Variants in PPM1H observed in about 807,000 individuals in gnomAD.
PPM1H encodes the protein protein phosphatase 1H.
In PPM1H, 27 loss-of-function variants were observed where a neutral mutation model predicts 54.9. That is an observed-to-expected ratio of 0.49 (90% CI 0.36 to 0.68). The LOEUF is 0.68. PPM1H is among the 30% of genes least tolerant of loss of function. The pLI, the probability that PPM1H is intolerant of heterozygous loss-of-function variation, is 0.00. For synonymous variants in PPM1H, 305 were observed against 270.8 expected (o/e 1.13, Z -1.24); for missense variants, 596 against 667.8 (o/e 0.89, Z 1.19).
At chr12:62,912,707 C>CA (rs1163341070) in intron 1 of PPM1H, among the ~76,000 whole-genome samples, 1 of 151,912 alleles carries the variant, frequency 6.6e-6, no homozygotes, top group Admixed American at 6.6e-5. Flanking sequence ...GGCAATTAAC[C>CA]AAAAAAAGAA....
intron 2 of PPM1H, among the ~76,000 whole-genome samples, chr12:62,823,508 TG>T (rs1455355123): frequency 6.6e-6 from 1 of 152,192 alleles, no homozygotes; most frequent in African/African-American, 2.4e-5. Flanking sequence ...AATAAAATAC[TG>T]GCAAACTGAA....
chr12:62,681,265 A>G (rs969132070), intron 8 of PPM1H, among the ~76,000 whole-genome samples: 2 of 152,082 alleles, frequency 1.3e-5, no homozygotes, highest in South Asian at 4.1e-4. Context: ...TTCCTTTCAC[A>G]TAGTCTGGAA....
chr12:62,905,443 T>C (rs1871276603), intron 1 of PPM1H, among the ~76,000 whole-genome samples: 1 of 152,080 alleles, frequency 6.6e-6, no homozygotes, highest in Non-Finnish European at 1.5e-5. Flanking sequence ...AGTAAGGCCA[T>C]CTAAATGTGA....
chr12:62,826,938 C>G (rs1264914979), intron 2 of PPM1H, among the ~76,000 whole-genome samples: 1 of 152,278 alleles, frequency 6.6e-6, no homozygotes, highest in South Asian at 2.1e-4. Context: ...TGGCCCATGC[C>G]ATAGATACCT....
chr12:62,725,329 A>ATTCCT (rs1441208072), intron 5 of PPM1H, among the ~76,000 whole-genome samples: 1 of 152,214 alleles, frequency 6.6e-6, no homozygotes, highest in East Asian at 1.9e-4. Context: ...CAGAAACAGG[A>ATTCCT]AAGTCTCTCA....
chr12:62,933,949 G>A (rs984541438), intron 1 of PPM1H: 1 of 152,718 alleles, frequency 6.5e-6, no homozygotes, highest in Non-Finnish European at 1.5e-5. Flanking sequence ...GGAGGAACTC[G>A]CGGGCTGAAA....
At chr12:62,820,312 C>CCTCT (rs2076895239) in intron 2 of PPM1H, among the ~76,000 whole-genome samples, 1 of 152,230 alleles carries the variant, frequency 6.6e-6, no homozygotes, top group African/African-American at 2.4e-5. Context: ...GTAGACCCCA[C>CCTCT]CTCTGAGGGC....
At chr12:62,804,842 A>C (rs1196648489) in intron 2 of PPM1H, among the ~76,000 whole-genome samples, 5 of 150,344 alleles carry the variant, frequency 3.3e-5, no homozygotes, top group Non-Finnish European at 5.9e-5. Flanking sequence ...CGCCCGGCTA[A>C]TTTTTTGTAT....
At chr12:62,868,366 A>G (rs1869858412) in intron 1 of PPM1H, among the ~76,000 whole-genome samples, 1 of 152,194 alleles carries the variant, frequency 6.6e-6, no homozygotes, top group Non-Finnish European at 1.5e-5. Flanking sequence ...TGCTAGGGCC[A>G]TCCACAAAGC....
At chr12:62,679,204 C>G (rs2076004957) in intron 8 of PPM1H, among the ~76,000 whole-genome samples, 1 of 151,924 alleles carries the variant, frequency 6.6e-6, no homozygotes, top group Non-Finnish European at 1.5e-5. Flanking sequence ...CCAGGATGGT[C>G]TTGATCTCTT....
At chr12:62,766,815 G>T (rs1171186730) in intron 4 of PPM1H, among the ~76,000 whole-genome samples, 1 of 152,190 alleles carries the variant, frequency 6.6e-6, no homozygotes, top group East Asian at 1.9e-4. Context: ...TGAGCTTCAG[G>T]CTTTACCAGG....
At position 62,800,269 on chromosome 12, in the gene PPM1H, C is replaced by T. The variant is rs916502345; in HGVS notation, c.756+1547G>A. 8.2e-4 allele frequency among the ~76,000 whole-genome samples: 125 copies of T among 152,120 alleles called. 1 individual carries two copies. Among genetic ancestry groups the T allele is most frequent in the African/African-American group, 2.6e-3 (108 of 41,428 alleles). Reference sequence around the variant, plus strand: ...ATGTGCCTATCCGGTTCTGGCAAGACGCTTCTAGCTGTTTTGACTTCATTT... The same window carrying T: ...ATGTGCCTATCCGGTTCTGGCAAGATGCTTCTAGCTGTTTTGACTTCATTT... On this transcript the variant is annotated intron_variant, in intron 3 of 9. Transcript: ENST00000228705.
At chr12:62,784,113 C>T (rs2076657588) in intron 4 of PPM1H, among the ~76,000 whole-genome samples, 1 of 152,106 alleles carries the variant, frequency 6.6e-6, no homozygotes, top group South Asian at 2.1e-4. Flanking sequence ...GCTGACTCTG[C>T]CGGGGAAAAA....
At chr12:62,895,341 G>A (rs1196443663) in intron 1 of PPM1H, among the ~76,000 whole-genome samples, 1 of 152,144 alleles carries the variant, frequency 6.6e-6, no homozygotes, top group East Asian at 1.9e-4. Flanking sequence ...GTTCATTTTG[G>A]AAAGATGACC....
intron 9 of PPM1H, among the ~76,000 whole-genome samples, chr12:62,658,526 A>G (rs759849522): frequency 6.6e-6 from 1 of 152,148 alleles, no homozygotes; most frequent in Non-Finnish European, 1.5e-5. Flanking sequence ...AGTCAGTTGC[A>G]GATATTTTGC....
rs149185950 is a variant in PPM1H at position 62,678,935 on chromosome 12, C to T, written c.1245+10764G>A. Among the ~76,000 whole-genome samples the T allele has an allele frequency of 1.9e-3, 296 of 152,032 alleles. 1 individual carries two copies. Among genetic ancestry groups the T allele is most frequent in the African/African-American group, 6.0e-3 (250 of 41,460 alleles). Reference sequence around the variant, plus strand: ...CTCCTGGCCTCAAGTGATCTGCCTGCCTCAGCCTCCCAAAGTTCTGTGATT... The same window carrying T: ...CTCCTGGCCTCAAGTGATCTGCCTGTCTCAGCCTCCCAAAGTTCTGTGATT... On this transcript the variant is annotated intron_variant, in intron 8 of 9. Coordinates refer to ENST00000228705, the MANE Select transcript of PPM1H (RefSeq NM_020700.2).
At chr12:62,790,563 C>A (rs1362355024) in intron 3 of PPM1H, among the ~76,000 whole-genome samples, 1 of 152,058 alleles carries the variant, frequency 6.6e-6, no homozygotes, top group Non-Finnish European at 1.5e-5. Flanking sequence ...CAGAGCGAGA[C>A]CCTGTCTCAA....
chr12:62,931,161 C>T (rs572663429), intron 1 of PPM1H, among the ~76,000 whole-genome samples: 1 of 152,220 alleles, frequency 6.6e-6, no homozygotes, highest in East Asian at 1.9e-4. Context: ...ACTCATTGAC[C>T]AAAAGATGTC....
intron 7 of PPM1H, among the ~76,000 whole-genome samples, chr12:62,692,735 T>C (rs1429120238): frequency 2.6e-5 from 4 of 152,220 alleles, no homozygotes; most frequent in Non-Finnish European, 5.9e-5. Context: ...CTGACACGAT[T>C]CTTAACCAGA....
Sources: gnomAD v4.1 joint callset for allele counts (sites outside exome capture counted in the v4.1 genomes callset) on GRCh38, gnomAD v4.1.1 for gene constraint, MANE v1.5 for transcripts, NCBI Gene and HGNC (gene_info 2026-07-23, HGNC 2026-07-21) for gene names.